ABCB10: variants seen among roughly 807,000 people sequenced by gnomAD.
ABCB10 encodes ATP-binding cassette sub-family B member 10, mitochondrial.
Under a neutral mutation model 65.4 loss-of-function variants are expected in ABCB10, and 54 were observed. That is an observed-to-expected ratio of 0.83 (90% CI 0.66 to 1.04). ABCB10 has a LOEUF of 1.04. Among genes scored for constraint, ABCB10 ranks in the 50% least tolerant of loss-of-function variants. The pLI is 0.00. For synonymous variants in ABCB10, 418 were observed against 406.5 expected (o/e 1.03, Z -0.34); for missense variants, 846 against 976.6 (o/e 0.87, Z 1.78).
intron 1 of ABCB10, among the ~76,000 whole-genome samples, chr1:229,555,550 A>G (rs1307008767): frequency 1.3e-5 from 2 of 152,278 alleles, no homozygotes; most frequent in Admixed American, 6.5e-5. Context: ...TGATGCAATC[A>G]AAGTTTTCTG....
intron 1 of ABCB10, among the ~76,000 whole-genome samples, chr1:229,552,186 A>C (rs1489137507): frequency 1.3e-5 from 2 of 152,226 alleles, no homozygotes; most frequent in Non-Finnish European, 2.9e-5. Flanking sequence ...GTCCAATTTG[A>C]ATGTAAGAAA....
chr1:229,539,435 A>G, intron 6 of ABCB10, 21 bp downstream of exon 6: 1 of 1,613,584 alleles, frequency 6.2e-7, no homozygotes. Context: ...GTAACACCCC[A>G]AGCCTATTTA....
At chr1:229,523,407 A>C (rs1477496822) in intron 10 of ABCB10, among the ~76,000 whole-genome samples, 1 of 152,230 alleles carries the variant, frequency 6.6e-6, no homozygotes, top group African/African-American at 2.4e-5. Context: ...ATACTTATCA[A>C]CAGTAGTTGC....
At chr1:229,525,496 AT>A (rs894661340) in intron 10 of ABCB10, among the ~76,000 whole-genome samples, 17 of 152,316 alleles carry the variant, frequency 1.1e-4, no homozygotes, top group African/African-American at 4.1e-4. Context: ...GGTAAGGCTA[AT>A]TTCAAAAACT....
At chr1:229,536,972 A>G (rs1662735226) in intron 6 of ABCB10, among the ~76,000 whole-genome samples, 2 of 152,262 alleles carry the variant, frequency 1.3e-5, no homozygotes, top group South Asian at 4.1e-4. Flanking sequence ...AAAAAAAGGA[A>G]TGAAGTACTG....
intron 7 of ABCB10, among the ~76,000 whole-genome samples, chr1:229,531,357 T>C (rs1662579402): frequency 6.6e-6 from 1 of 152,168 alleles, no homozygotes; most frequent in Admixed American, 6.5e-5. Context: ...ATCCTGCCCT[T>C]TGCGGTAACA....
At chr1:229,529,542 C>A (rs2102688375) in intron 8 of ABCB10, among the ~76,000 whole-genome samples, 1 of 149,790 alleles carries the variant, frequency 6.7e-6, no homozygotes, top group South Asian at 2.1e-4. Context: ...TGGTGGCAGG[C>A]ACCTGTAGTC....
At chr1:229,536,724 G>C (rs1172675133) in intron 6 of ABCB10, among the ~76,000 whole-genome samples, 1 of 152,200 alleles carries the variant, frequency 6.6e-6, no homozygotes, top group Non-Finnish European at 1.5e-5. Flanking sequence ...GGGAAGCAGA[G>C]GCAGGCAGAT....
chr1:229,520,510 G>C (rs1571954501), intron 11 of ABCB10, among the ~76,000 whole-genome samples: 3 of 138,274 alleles, frequency 2.2e-5, no homozygotes. Flanking sequence ...TAACACATGA[G>C]ACCAAAAAAA....
rs746384472 is a variant in ABCB10, at chr1:229,542,382, C to CA, written c.922-12dup. ...AGGTGAGACAAAAAACTGTCAAAAA[C>CA]AAAAAAAAATTCAGAGGTGTTTGTT... On this transcript the variant is annotated splice_polypyrimidine_tract_variant and intron_variant, in intron 3 of 12. Coordinates refer to ENST00000344517, the MANE Select transcript of ABCB10 (RefSeq NM_012089.3). 3.2e-5 allele frequency: 50 copies of CA among 1,583,720 alleles called. No individual in the cohort carries two copies. The highest frequency in any genetic ancestry group is 1.1e-4 in the Admixed American group (6 of 53,110).
chr1:229,549,647 G>C (rs1663058228), intron 1 of ABCB10, among the ~76,000 whole-genome samples: 1 of 152,166 alleles, frequency 6.6e-6, no homozygotes, highest in Non-Finnish European at 1.5e-5. Flanking sequence ...AAGGAAGTGA[G>C]TGATCATATC....
intron 6 of ABCB10, chr1:229,535,059 A>C (rs1393631641): frequency 1.3e-5 from 2 of 149,256 alleles, no homozygotes; most frequent in Non-Finnish European, 3.0e-5. Flanking sequence ...AAAAAAAAAA[A>C]AAAAAAAAAC....
intron 9 of ABCB10, among the ~76,000 whole-genome samples, chr1:229,526,460 T>A (rs1039434593): frequency 6.6e-6 from 1 of 152,186 alleles, no homozygotes; most frequent in Non-Finnish European, 1.5e-5. Flanking sequence ...ACAAACCACA[T>A]GGGAACAAAC....
Position 229,539,605 on chromosome 1 carries a change from A to C in ABCB10, c.1204-14T>G, listed in dbSNP as rs1268491659. On this transcript the variant is annotated splice_polypyrimidine_tract_variant and intron_variant, in intron 5 of 12. Transcript: ENST00000344517. ...GGAGAGCCCAGTCTGTCGAATGAAG[A>C]AAACACAGAAGTCAGGTGGGAATCA... The C allele has an allele frequency of 4.3e-6, 7 of 1,610,784 alleles. No homozygotes were observed. The highest frequency in any genetic ancestry group is 1.9e-4 in the Middle Eastern group (1 of 5,360).
intron 3 of ABCB10, 134 bp downstream of exon 3, chr1:229,547,365 T>TGCC: frequency 1.0e-6 from 1 of 958,876 alleles, no homozygotes; most frequent in Non-Finnish European, 1.5e-6. Flanking sequence ...CAGCAGCTTC[T>TGCC]GCAACAGCAC....
intron 2 of ABCB10, 80 bp downstream of exon 2, chr1:229,549,154 G>T: frequency 6.8e-7 from 1 of 1,473,142 alleles, no homozygotes. Flanking sequence ...TGGAGCACAT[G>T]AGATTTGAGC....
intron 2 of ABCB10, among the ~76,000 whole-genome samples, chr1:229,547,938 C>T (rs751799657): frequency 5.3e-5 from 8 of 152,100 alleles, no homozygotes; most frequent in Non-Finnish European, 1.0e-4. Context: ...AGACTGTGGG[C>T]GCTAGTGAGA....
chr1:229,549,700 C>T (rs1472177535), intron 1 of ABCB10, among the ~76,000 whole-genome samples: 1 of 152,178 alleles, frequency 6.6e-6, no homozygotes, highest in Admixed American at 6.5e-5. Flanking sequence ...AACTCTTCCT[C>T]ACCAAGAAAA....
At chr1:229,550,493 C>T (rs931238902) in intron 1 of ABCB10, among the ~76,000 whole-genome samples, 1 of 143,206 alleles carries the variant, frequency 7.0e-6, no homozygotes, top group African/African-American at 2.8e-5. Context: ...CCACTGCACT[C>T]CAGCCTGGGT....
Sources: gnomAD v4.1 joint callset for allele counts (sites outside exome capture counted in the v4.1 genomes callset) on GRCh38, gnomAD v4.1.1 for gene constraint, MANE v1.5 for transcripts, NCBI Gene and HGNC (gene_info 2026-07-23, HGNC 2026-07-21) for gene names.